Variants in FAM20B observed in about 807,000 individuals in gnomAD.
The protein encoded by FAM20B is glycosaminoglycan xylosylkinase.
FAM20B carries 23 observed loss-of-function variants against 43.8 expected under a neutral mutation model. That is an observed-to-expected ratio of 0.53 (90% confidence interval 0.38 to 0.74). The LOEUF is 0.74. Among genes scored for constraint, FAM20B ranks in the 30% least tolerant of loss-of-function variants. FAM20B has a pLI of 0.00. For synonymous variants in FAM20B, 178 were observed against 192.4 expected, an observed-to-expected ratio of 0.93 and a Z score of 0.62; for missense variants, 440 against 510.5, an observed-to-expected ratio of 0.86 and a Z score of 1.33.
chr1:179,019,204 C>G, the FAM20B span, among the ~76,000 whole-genome samples: 20 of 152,294 alleles, frequency 1.3e-4, no homozygotes, highest in African/African-American at 4.8e-4. Context: ...ATGGCCCAGT[C>G]AAGTTGACAC....
At chr1:179,026,447 C>G (rs971793573) in intron 1 of FAM20B, among the ~76,000 whole-genome samples, 1 of 152,150 alleles carries the variant, frequency 6.6e-6, no homozygotes, top group Non-Finnish European at 1.5e-5. Context: ...AGAGGTCCTT[C>G]TAGTGACCGT....
At position 179,076,231 on chromosome 1, in the gene FAM20B, T is replaced by C. The variant is rs1652123581; in HGVS notation, c.*4087T>C. 6.6e-6 allele frequency: 1 copy of C among 152,090 alleles called. No homozygotes were observed. Among genetic ancestry groups the C allele is most frequent in the East Asian group, 1.9e-4 (1 of 5,182 alleles). The allele number at this position is 152,090 out of a possible 1,614,324, so 9.4% of individuals were successfully genotyped here. A position where few individuals can be genotyped will look rare whatever the true frequency, so the allele number is the denominator to read the frequency against. The stretch of plus-strand genomic sequence containing the variant: ...TCCTACAGGGGAAGGCCAGTTTTTT[T>C]CCCTTCAATTCCTCAAGTCTGGGTG... On this transcript the variant is annotated 3_prime_UTR_variant, in exon 8 of 8. Transcript: ENST00000263733.
chr1:179,030,200 T>A (rs1216557813), intron 1 of FAM20B, among the ~76,000 whole-genome samples: 1 of 152,200 alleles, frequency 6.6e-6, no homozygotes, highest in Non-Finnish European at 1.5e-5. Flanking sequence ...AACCACTTAT[T>A]TTTGTTGCCC....
rs144377547 is a variant in FAM20B, at chr1:179,046,927, G to A, written c.377+2703G>A. ...AGGAGAATCGCTTGAACCCGGAGGCGGAGGTTGTAGTGAGCCGAGATCACG... is the reference window on the plus strand; with the variant it reads ...AGGAGAATCGCTTGAACCCGGAGGCAGAGGTTGTAGTGAGCCGAGATCACG... On this transcript the variant is annotated intron_variant, in intron 2 of 7. Transcript: ENST00000263733. Among the ~76,000 whole-genome samples, 1,254 of 152,096 alleles carry A rather than the reference G, an allele frequency of 8.2e-3. 18 individuals are homozygous for A. The highest frequency in any genetic ancestry group is 0.029 in the African/African-American group (1,198 of 41,486).
At chr1:179,061,191 G>A (rs921840143) in intron 4 of FAM20B, among the ~76,000 whole-genome samples, 2 of 146,844 alleles carry the variant, frequency 1.4e-5, no homozygotes, top group Non-Finnish European at 3.0e-5. Context: ...TGATCCTCTC[G>A]CCTCAGCCTT....
intron 4 of FAM20B, among the ~76,000 whole-genome samples, chr1:179,060,819 A>G (rs1651429830): frequency 6.6e-6 from 1 of 152,190 alleles, no homozygotes; most frequent in Admixed American, 6.5e-5. Context: ...TAGATGTTTA[A>G]CCAGTTTATA....
chr1:179,021,705 A>G (rs995525416), upstream of FAM20B, among the ~76,000 whole-genome samples: 1 of 152,220 alleles, frequency 6.6e-6, no homozygotes, highest in Non-Finnish European at 1.5e-5. Flanking sequence ...TTAAAGAACA[A>G]AATAAATAGG....
intron 3 of FAM20B, among the ~76,000 whole-genome samples, chr1:179,053,972 G>A (rs1557874690): frequency 6.6e-6 from 1 of 151,852 alleles, no homozygotes; most frequent in Admixed American, 6.6e-5. Context: ...TTGTTCAGTT[G>A]GTGTATATTT....
At chr1:179,041,935 TCATTGTTTTGGTTATTAGG>T (rs1164760885) in intron 1 of FAM20B, among the ~76,000 whole-genome samples, 1 of 152,228 alleles carries the variant, frequency 6.6e-6, no homozygotes, top group African/African-American at 2.4e-5. Flanking sequence ...GTGTTTTTCC[TCATTGTTTTGGTTATTAGG>T]CATGTGTAGC....
intron 2 of FAM20B, among the ~76,000 whole-genome samples, chr1:179,047,727 C>T (rs1381777256): frequency 1.3e-5 from 2 of 152,190 alleles, no homozygotes; most frequent in Non-Finnish European, 2.9e-5. Flanking sequence ...CCTAAACACC[C>T]AGCAAAATGC....
At chr1:179,061,183 A>G (rs1180326916) in intron 4 of FAM20B, among the ~76,000 whole-genome samples, 1 of 145,412 alleles carries the variant, frequency 6.9e-6, no homozygotes, top group Admixed American at 7.1e-5. Flanking sequence ...GATTCCAGTG[A>G]TCCTCTCGCC....
At chr1:179,057,545 G>GT (rs1423298635) in intron 4 of FAM20B, among the ~76,000 whole-genome samples, 5 of 152,154 alleles carry the variant, frequency 3.3e-5, no homozygotes, top group African/African-American at 1.2e-4. Context: ...TAGGTGAGGT[G>GT]TTACCCACAT....
At chr1:179,028,569 A>G (rs1649884893) in intron 1 of FAM20B, among the ~76,000 whole-genome samples, 1 of 152,008 alleles carries the variant, frequency 6.6e-6, no homozygotes, top group South Asian at 2.1e-4. Flanking sequence ...TGACAGTGAG[A>G]CTCCGTCTCA....
At chr1:179,060,442 G>A (rs992331132) in intron 4 of FAM20B, among the ~76,000 whole-genome samples, 6 of 152,126 alleles carry the variant, frequency 3.9e-5, no homozygotes, top group African/African-American at 1.4e-4. Context: ...TGAGGTGAGG[G>A]GTGAGCGAGC....
chr1:179,066,294 T>G (rs3766629), intron 6 of FAM20B, among the ~76,000 whole-genome samples: 21,494 of 152,208 alleles, frequency 0.14, 1,763 homozygotes, highest in East Asian at 0.31. Flanking sequence ...TTCCTCAGCC[T>G]GTGTGAACAG....
Position 179,075,725 on chromosome 1 carries a change from C to T in FAM20B, c.*3581C>T, listed in dbSNP as rs956304518. 3.3e-5 allele frequency: 5 copies of T among 152,314 alleles called. No individual in the cohort carries two copies. The allele number at this position is 152,314 out of a possible 1,614,324, so 9.4% of individuals were successfully genotyped here. On this transcript the variant is annotated 3_prime_UTR_variant, in exon 8 of 8. Transcript: ENST00000263733. ...CCTATACGTGGCAATTTTTCAATGT[C>T]ATCTGAAGCCAGCATTATCTTCCAA...
rs78447822 is a variant in FAM20B, at chr1:179,029,678, T to C, written c.-134+3580T>C. 3.1e-3 allele frequency among the ~76,000 whole-genome samples: 473 copies of C among 152,290 alleles called. 3 individuals are homozygous for C. The highest frequency in any genetic ancestry group is 0.011 in the African/African-American group (445 of 41,558). On this transcript the variant is annotated intron_variant, in intron 1 of 7. Coordinates refer to ENST00000263733, the MANE Select transcript of FAM20B (RefSeq NM_014864.4). ...CACGTTATAAAGGCAGGTCAAGGAA[T>C]ATGAAATTATGAATGTGTAAAGAGG...
intron 1 of FAM20B, 148 bp downstream of exon 1, chr1:179,026,246 C>A (rs1458291077): frequency 6.6e-6 from 1 of 151,080 alleles, no homozygotes; most frequent in South Asian, 2.1e-4. Flanking sequence ...CCTGAGGGGC[C>A]GGGCACCGGG....
chr1:179,056,072 C>A (rs1326341329), intron 4 of FAM20B, among the ~76,000 whole-genome samples: 1 of 152,150 alleles, frequency 6.6e-6, no homozygotes, highest in East Asian at 1.9e-4. Context: ...TAGTTTCCCC[C>A]ATTATCAACA....
Sources: gnomAD v4.1 joint callset for allele counts (sites outside exome capture counted in the v4.1 genomes callset) on GRCh38, gnomAD v4.1.1 for gene constraint, MANE v1.5 for transcripts, NCBI Gene and HGNC (gene_info 2026-07-23, HGNC 2026-07-21) for gene names.